CDH18: variants seen among roughly 807,000 people sequenced by gnomAD.
The protein encoded by CDH18 is cadherin 18.
In CDH18, 31 loss-of-function variants were observed where a neutral mutation model predicts 67.9. The observed-to-expected ratio is 0.46, with a 90% CI of 0.34 to 0.62. The LOEUF (loss-of-function observed/expected upper bound fraction) is 0.62. CDH18 is among the 20% of genes least tolerant of loss of function. The probability of loss-of-function intolerance (pLI) is 0.01; values close to 1 mark genes in which losing one functional copy is unlikely to be tolerated. For synonymous variants in CDH18, 362 were observed against 347.2 expected, an observed-to-expected ratio of 1.04 and a Z score of -0.48; for missense variants, 890 against 975.5, an observed-to-expected ratio of 0.91 and a Z score of 1.17.
intron 2 of CDH18, among the ~76,000 whole-genome samples, chr5:20,235,080 A>C (rs903555759): frequency 6.6e-6 from 1 of 152,144 alleles, no homozygotes. Flanking sequence ...ATCTGTACAC[A>C]GAAGAATGAA....
At chr5:20,326,570 G>A (rs56836596) in intron 1 of CDH18, among the ~76,000 whole-genome samples, 6 of 139,512 alleles carry the variant, frequency 4.3e-5, no homozygotes, top group Non-Finnish European at 6.1e-5. Flanking sequence ...ATGGAGTCTC[G>A]CTCTGTCGCC....
intron 5 of CDH18, among the ~76,000 whole-genome samples, chr5:19,691,886 A>G (rs1761937896): frequency 2.0e-5 from 3 of 152,016 alleles, no homozygotes; most frequent in East Asian, 1.9e-4. Flanking sequence ...CTATCCTCAT[A>G]TTCATATGGA....
intron 2 of CDH18, among the ~76,000 whole-genome samples, chr5:20,121,126 A>G (rs576550551): frequency 3.0e-4 from 45 of 152,308 alleles, no homozygotes; most frequent in African/African-American, 9.4e-4. Context: ...GTAATGTTTT[A>G]TCTGTGCAAA....
intron 7 of CDH18, among the ~76,000 whole-genome samples, chr5:19,588,394 T>C (rs546017767): frequency 6.6e-6 from 1 of 152,150 alleles, no homozygotes; most frequent in African/African-American, 2.4e-5. Flanking sequence ...TTACAAGAGC[T>C]TCTGAAGGAA....
intron 2 of CDH18, among the ~76,000 whole-genome samples, chr5:19,914,717 A>C (rs1279524563): frequency 1.3e-5 from 2 of 152,232 alleles, no homozygotes; most frequent in East Asian, 3.9e-4. Flanking sequence ...CATTTTGAGC[A>C]CCTAGCAATA....
intron 2 of CDH18, among the ~76,000 whole-genome samples, chr5:19,881,506 CTTT>C (rs559703821): frequency 7.4e-5 from 9 of 121,938 alleles, no homozygotes; most frequent in East Asian, 7.3e-4. Flanking sequence ...TCTTCAAGTG[CTTT>C]TTTTTTTTTT....
chr5:20,139,977 C>T (rs1335104498), intron 2 of CDH18, among the ~76,000 whole-genome samples: 2 of 152,098 alleles, frequency 1.3e-5, no homozygotes, highest in Admixed American at 6.5e-5. Flanking sequence ...GGTATATACC[C>T]AAAGGAGTAT....
intron 5 of CDH18, among the ~76,000 whole-genome samples, chr5:19,703,382 C>T (rs181695890): frequency 7.9e-5 from 12 of 152,208 alleles, no homozygotes; most frequent in Admixed American, 4.6e-4. Flanking sequence ...CACTTTGGAA[C>T]CTTTTCACAA....
intron 1 of CDH18, among the ~76,000 whole-genome samples, chr5:20,389,393 T>C (rs1040633422): frequency 6.6e-6 from 1 of 152,152 alleles, no homozygotes; most frequent in Non-Finnish European, 1.5e-5. Flanking sequence ...TTTTTTGTTT[T>C]CCATTTGCTT....
intron 2 of CDH18, among the ~76,000 whole-genome samples, chr5:19,955,376 C>T (rs1011076404): frequency 2.0e-5 from 3 of 151,842 alleles, no homozygotes; most frequent in African/African-American, 4.8e-5. Flanking sequence ...AGAAGTACAA[C>T]AATAAAAGCA....
At chr5:19,725,075 C>T (rs546277405) in intron 4 of CDH18, among the ~76,000 whole-genome samples, 9 of 152,014 alleles carry the variant, frequency 5.9e-5, no homozygotes, top group East Asian at 2.0e-4. Flanking sequence ...TACAGGCGCC[C>T]GCCACCACGC....
intron 2 of CDH18, among the ~76,000 whole-genome samples, chr5:19,859,322 C>T (rs1784627367): frequency 1.3e-5 from 2 of 152,130 alleles, no homozygotes. Flanking sequence ...AGCAATAAAA[C>T]ACCAAATTCC....
intron 1 of CDH18, among the ~76,000 whole-genome samples, chr5:20,510,330 C>A (rs971774838): frequency 4.6e-5 from 7 of 151,950 alleles, no homozygotes; most frequent in Admixed American, 2.6e-4. Flanking sequence ...ATACTTTTTT[C>A]TAGTCTGTGA....
rs1054929545 is a variant in CDH18 at position 20,110,863 on chromosome 5, C to T, written c.-517-118849G>A. ...TTTTCACTAATCGAATTTATTTATT[C>T]GTAGTAAATAAAAACATGTTTAAAA... On this transcript the variant is annotated intron_variant, in intron 2 of 14. Coordinates refer to the CDH18 transcript ENST00000507958. Among the ~76,000 whole-genome samples, 4 of 152,016 alleles carry T rather than the reference C, an allele frequency of 2.6e-5. 1 individual carries two copies. The highest frequency in any genetic ancestry group is 7.2e-5 in the African/African-American group (3 of 41,474).
intron 9 of CDH18, among the ~76,000 whole-genome samples, chr5:19,529,626 A>G (rs1278791370): frequency 6.6e-6 from 1 of 152,146 alleles, no homozygotes; most frequent in Non-Finnish European, 1.5e-5. Context: ...AAAACAGTCT[A>G]GCAGTATCAC....
In CDH18 at chr5:19,520,742, A is replaced by G. The variant is rs749611138; in HGVS notation, c.1427T>C (p.Ile476Thr). The G allele has an allele frequency of 1.2e-6, 2 of 1,613,282 alleles. No individual in the cohort carries two copies. Among genetic ancestry groups the G allele is most frequent in the South Asian group, 1.1e-5 (1 of 91,026 alleles). The change falls in exon 10 of 13, where the codon ATT becomes ACT. Residue 476 changes from isoleucine to threonine, a missense_variant. Ile to Thr is a moderately conservative substitution (Grantham distance 89). This residue lies in a region of CDH18 where 656 missense variants were observed against 668.1 expected (regional missense o/e 0.98). Coordinates refer to ENST00000382275, the MANE Select transcript of CDH18 (RefSeq NM_004934.5). Reference protein sequence around the residue: ...PDLLSHVTVGIRVLDVNDNPP... With the variant: ...PDLLSHVTVGTRVLDVNDNPP... ...ATTGTCATTGACATCCAGAACTCTA[A>G]TACCCACTGTGACATGGCTCAGCAA...
chr5:19,506,997 TCTC>T (rs1315741735), intron 10 of CDH18, among the ~76,000 whole-genome samples: 1 of 151,988 alleles, frequency 6.6e-6, no homozygotes, highest in African/African-American at 2.4e-5. Flanking sequence ...ATTTTTGCAA[TCTC>T]CTCATCTGTC....
At chr5:19,707,476 G>T (rs188964298) in intron 5 of CDH18, among the ~76,000 whole-genome samples, 3 of 152,270 alleles carry the variant, frequency 2.0e-5, no homozygotes, top group South Asian at 4.1e-4. Flanking sequence ...GGACCCCCCA[G>T]TGGAGGTATA....
chr5:20,178,883 A>C (rs945087294), intron 2 of CDH18, among the ~76,000 whole-genome samples: 1 of 152,104 alleles, frequency 6.6e-6, no homozygotes, highest in African/African-American at 2.4e-5. Flanking sequence ...GCAATAAGTC[A>C]TGTGTTCTTG....
Sources: gnomAD v4.1 joint callset for allele counts (sites outside exome capture counted in the v4.1 genomes callset) on GRCh38, gnomAD v4.1.1 for gene constraint, gnomAD v4.1.1 regional missense constraint, MANE v1.5 for transcripts, NCBI Gene and HGNC (gene_info 2026-07-23, HGNC 2026-07-21) for gene names.